The following LEPR variants were observed in gnomAD, a reference collection of about 807,000 sequenced individuals.
LEPR encodes OB receptor.
Under a neutral mutation model 114.7 loss-of-function variants are expected in LEPR, and 56 were observed. The observed-to-expected ratio is 0.49, with a 90% CI of 0.39 to 0.61. LEPR has a LOEUF of 0.61. LEPR is among the 20% of genes least tolerant of loss of function. LEPR has a pLI of 0.00. For synonymous variants in LEPR, 443 were observed against 461.4 expected, an observed-to-expected ratio of 0.96 and a Z score of 0.51; for missense variants, 1,202 against 1,352.9, an observed-to-expected ratio of 0.89 and a Z score of 1.75.
intron 11 of LEPR, among the ~76,000 whole-genome samples, chr1:65,605,475 A>G (rs1656748691): frequency 1.3e-5 from 2 of 152,214 alleles, no homozygotes; most frequent in South Asian, 4.1e-4. Context: ...ACACTATTAG[A>G]TGAAATACAT....
At chr1:65,453,121 T>G (rs1305716349) in intron 2 of LEPR, among the ~76,000 whole-genome samples, 1 of 152,354 alleles carries the variant, frequency 6.6e-6, no homozygotes, top group Admixed American at 6.5e-5. Context: ...GGATTGGTGG[T>G]GATATCCCCT....
intron 2 of LEPR, among the ~76,000 whole-genome samples, chr1:65,550,804 C>T (rs111584984): frequency 0.012 from 1,857 of 152,248 alleles, 39 homozygotes; most frequent in African/African-American, 0.042. Flanking sequence ...CTTTGGCTCG[C>T]GCACAGCGCG....
At chr1:65,489,952 G>C (rs1039621282) in intron 2 of LEPR, among the ~76,000 whole-genome samples, 3 of 152,024 alleles carry the variant, frequency 2.0e-5, no homozygotes, top group African/African-American at 7.2e-5. Flanking sequence ...TATACTTGAT[G>C]CGTCCTCCAT....
intron 2 of LEPR, among the ~76,000 whole-genome samples, chr1:65,464,882 A>G (rs1646990023): frequency 6.6e-6 from 1 of 152,054 alleles, no homozygotes; most frequent in African/African-American, 2.4e-5. Context: ...TATCCCTTTT[A>G]TCATTTTTTA....
chr1:65,560,234 T>C (rs1653217010), intron 2 of LEPR, among the ~76,000 whole-genome samples: 1 of 76,602 alleles, frequency 1.3e-5, no homozygotes, highest in Non-Finnish European at 2.8e-5. Context: ...CCTTGAGCAG[T>C]GGTTTGTAGT....
intron 2 of LEPR, among the ~76,000 whole-genome samples, chr1:65,466,243 T>C (rs186887547): frequency 6.6e-6 from 1 of 152,324 alleles, no homozygotes; most frequent in Admixed American, 6.5e-5. Flanking sequence ...CTCTCAGCAT[T>C]TGCTTGTCTG....
At chr1:65,465,673 G>T (rs1318518376) in intron 2 of LEPR, among the ~76,000 whole-genome samples, 1 of 152,098 alleles carries the variant, frequency 6.6e-6, no homozygotes, top group Non-Finnish European at 1.5e-5. Flanking sequence ...TCTCTTTGTA[G>T]GTCTCTAAGG....
chr1:65,636,154 A>C, intron 19 of LEPR, 37 bp from the exon 20 acceptor site: 1 of 1,611,972 alleles, frequency 6.2e-7, no homozygotes, highest in Non-Finnish European at 8.5e-7. Context: ...AAAATTTTTT[A>C]ACATAATTGA....
chr1:65,472,356 C>T (rs1647094836), intron 2 of LEPR, among the ~76,000 whole-genome samples: 1 of 150,422 alleles, frequency 6.6e-6, no homozygotes, highest in African/African-American at 2.4e-5. Context: ...TTTCCCCTTC[C>T]ATTTCTTCCC....
intron 2 of LEPR, among the ~76,000 whole-genome samples, chr1:65,440,368 T>C (rs1646633861): frequency 6.6e-6 from 1 of 152,010 alleles, no homozygotes; most frequent in Admixed American, 6.6e-5. Context: ...ACTTTTTTTT[T>C]TTTTGGTAGG....
rs1333399059 is a variant in LEPR at position 65,616,192 on chromosome 1, T to G, written c.2180T>G (p.Phe727Cys). 2 of 1,614,084 alleles carry G rather than the reference T, an allele frequency of 1.2e-6. No individual in the cohort carries two copies. The highest frequency in any genetic ancestry group is 3.3e-5 in the Admixed American group (2 of 60,008). The change falls in exon 15 of 20, where the codon TTT becomes TGT. Residue 727 changes from phenylalanine (F) to cysteine (C), a missense_variant. Transcript: ENST00000349533. ...TCAATTGGTGCTTCTGTTGCAAATT[T>G]TAATTTAACCTTTTCATGGCCTATG... ...INSIGASVAN[F>C]NLTFSWPMSK...
rs745995138 is a variant in LEPR at position 65,592,733 on chromosome 1, C to T, written c.571C>T (p.His191Tyr). The T allele has an allele frequency of 2.5e-6, 4 of 1,613,372 alleles. No individual in the cohort carries two copies. In the South Asian group the frequency reaches 4.4e-5, roughly 18 times the overall value. ...GATGGTTCACTGCAATTGCAGTGTT[C>T]ATGAATGTTGTGAATGTCTTGTGCC... ...FQMVHCNCSV[H>Y]ECCECLVPVP... The change falls in exon 6 of 20, where the codon CAT (histidine) becomes TAT (tyrosine). Residue 191 changes from histidine (H) to tyrosine (Y), a missense_variant. Transcript: ENST00000349533.
chr1:65,487,382 AT>A (rs1045032026), intron 2 of LEPR, among the ~76,000 whole-genome samples: 4 of 152,076 alleles, frequency 2.6e-5, no homozygotes, highest in African/African-American at 9.7e-5. Context: ...TGGAAAGAAC[AT>A]TTTGCCTACT....
chr1:65,616,252 A>T, intron 15 of LEPR, 28 bp downstream of exon 15: 1 of 1,604,596 alleles, frequency 6.2e-7, no homozygotes, highest in Non-Finnish European at 8.5e-7. Flanking sequence ...GTGGTAATCC[A>T]TTGCCTCTTT....
chr1:65,591,774 T>G (rs1044484208), intron 5 of LEPR, among the ~76,000 whole-genome samples: 3 of 152,046 alleles, frequency 2.0e-5, no homozygotes, highest in Non-Finnish European at 4.4e-5. Flanking sequence ...ATGATAATCT[T>G]TGCCTTCTAA....
chr1:65,432,009 A>C, intron 2 of LEPR: 1 of 1,484,406 alleles, frequency 6.7e-7, no homozygotes. Context: ...ATGAAATTTA[A>C]TATGCTGGGT....
chr1:65,511,895 T>C (rs1334035822), intron 2 of LEPR, among the ~76,000 whole-genome samples: 2 of 152,152 alleles, frequency 1.3e-5, no homozygotes, highest in African/African-American at 4.8e-5. Flanking sequence ...TGCTCTCTAA[T>C]TGCTGTAAAG....
At chr1:65,506,251 A>C (rs1648722476) in intron 2 of LEPR, among the ~76,000 whole-genome samples, 2 of 152,202 alleles carry the variant, frequency 1.3e-5, no homozygotes, top group African/African-American at 4.8e-5. Flanking sequence ...AGTTGTTTGC[A>C]TAACATATTG....
chr1:65,607,742 T>C (rs980567750), intron 11 of LEPR, among the ~76,000 whole-genome samples: 2 of 152,212 alleles, frequency 1.3e-5, no homozygotes, highest in Non-Finnish European at 1.5e-5. Flanking sequence ...TATTGCCTGT[T>C]ATTGTCAGGA....
Sources: allele counts gnomAD v4.1 joint callset (sites outside exome capture counted in the v4.1 genomes callset), GRCh38; gene constraint gnomAD v4.1.1; transcripts MANE v1.5; gene names NCBI Gene and HGNC (gene_info 2026-07-23, HGNC 2026-07-21).